SMO: variants seen among roughly 807,000 people sequenced by gnomAD.
SMO encodes the protein protein smoothened.
Under a neutral mutation model 81.6 loss-of-function variants are expected in SMO, and 40 were observed. The ratio of observed to expected loss-of-function variants is 0.49; its 90% CI spans 0.38 to 0.64. SMO has a LOEUF of 0.64. Ranked by LOEUF, SMO falls within the 30% of genes least tolerant of loss-of-function variation. The probability of loss-of-function intolerance (pLI) is 0.00; values close to 1 mark genes in which losing one functional copy is unlikely to be tolerated. For synonymous variants in SMO, 434 were observed against 432.1 expected (o/e 1.00, Z -0.05); for missense variants, 916 against 1,061.1 (o/e 0.86, Z 1.90).
rs2150654969 is a variant in SMO, at chr7:129,211,147, G to A, written c.1801+34G>A. ...CACCCCTCCTCTACCGGAGCCGCCT[G>A]GCCCCGCGCTGCCCATGTGCTAGTC... On this transcript the variant is annotated intron_variant, in intron 10 of 11. Transcript: ENST00000249373. The surrounding 1 kb of genome is among the most constrained non-coding windows in gnomAD (Gnocchi z 4.6). 6.3e-7 allele frequency: 1 copy of A among 1,577,786 alleles called. No homozygotes were observed. The highest frequency in any genetic ancestry group is 1.2e-5 in the South Asian group (1 of 85,108).
Position 129,209,000 on chromosome 7 carries a change from T to TAGTGGC in SMO, c.1357+152_1357+157dup. ...AAGGGGTGTGTGTAGGTGGTAGTGG[T>TAGTGGC]AGTGGCAGCTCAAAAGAAGGGGGTC... On this transcript the variant is annotated intron_variant, in intron 7 of 11. Coordinates refer to ENST00000249373, the MANE Select transcript of SMO (RefSeq NM_005631.5). The surrounding 1 kb of genome is among the most constrained non-coding windows in gnomAD (Gnocchi z 5.2). 1 of 637,140 alleles carries TAGTGGC rather than the reference T, an allele frequency of 1.6e-6. No homozygotes were observed. The highest frequency in any genetic ancestry group is 2.8e-6 in the Non-Finnish European group (1 of 353,566). The allele number at this position is 637,140 out of a possible 1,614,324, so 39.5% of individuals were successfully genotyped here. A position where few individuals can be genotyped will look rare whatever the true frequency, so the allele number is the denominator to read the frequency against.
Position 129,211,160 on chromosome 7 carries a change from C to T in SMO, c.1801+47C>T, listed in dbSNP as rs2150655004. On this transcript the variant is annotated intron_variant, in intron 10 of 11. Transcript: ENST00000249373. This position sits in a 1 kb window ranked among gnomAD's most constrained non-coding sequence, Gnocchi z 4.6. ...CCGGAGCCGCCTGGCCCCGCGCTGC[C>T]CATGTGCTAGTCTCTCCCAGCCTGC... 2 of 1,565,328 alleles carry T rather than the reference C, an allele frequency of 1.3e-6. No individual in the cohort carries two copies. The highest frequency in any genetic ancestry group is 1.7e-6 in the Non-Finnish European group (2 of 1,153,762).
In SMO at chr7:129,189,097, G is replaced by T. The variant is rs1793441366; in HGVS notation, c.-55G>T. The stretch of plus-strand genomic sequence containing the variant: ...CCGAGGTCGTGCGTGTGGCCGGGGG[G>T]CTCCGAGGAGCAGGCGGGGGCGCCG... On this transcript the variant is annotated 5_prime_UTR_variant, in exon 1 of 12. Transcript: ENST00000249373. This position sits in a 1 kb window ranked among gnomAD's most constrained non-coding sequence, Gnocchi z 4.7. The T allele has an allele frequency of 1.7e-6, 2 of 1,199,810 alleles. No individual in the cohort carries two copies. Among genetic ancestry groups the T allele is most frequent in the Non-Finnish European group, 2.1e-6 (2 of 964,782 alleles). 74.3% of individuals were successfully genotyped at this position (1,199,810 alleles called of 1,614,324 possible).
At chr7:129,202,652 C>T (rs915293600) in intron 1 of SMO, among the ~76,000 whole-genome samples, 1 of 152,140 alleles carries the variant, frequency 6.6e-6, no homozygotes, top group Non-Finnish European at 1.5e-5. Flanking sequence ...CATCTGACTT[C>T]CTGCTTCCTC....
chr7:129,208,761 G>A lies in SMO; in HGVS notation c.1267G>A (p.Val423Ile), dbSNP rs781646841. Residue 423 changes from valine (V) to isoleucine (I), a missense_variant and splice_region_variant, in exon 7 of 12, where the codon GTC becomes ATC. Val to Ile is a conservative substitution (Grantham distance 29). Coordinates refer to ENST00000249373, the MANE Select transcript of SMO (RefSeq NM_005631.5). This position sits in a 1 kb window ranked among gnomAD's most constrained non-coding sequence, Gnocchi z 5.2. ...IVGGYFLIRG[V>I]MTLFSIKSNH... ...TCTGAGGTCCCCCTTCTGTTCAGGA[G>A]TCATGACTCTGTTCTCCATCAAGAG... 3 of 1,610,510 alleles carry A rather than the reference G, an allele frequency of 1.9e-6. No homozygotes were observed. Among genetic ancestry groups the A allele is most frequent in the East Asian group, 2.2e-5 (1 of 44,850 alleles).
Position 129,211,636 on chromosome 7 carries a change from C to T in SMO, c.1802C>T (p.Ala601Val), listed in dbSNP as rs1216671158. ...CCTTTCCTTCCTTCCATTCCCACAG[C>T]GGGCTTGGCCTTTGACCTCAATGAG... ...MHTVSHDGPV[A>V]GLAFDLNEPS... is the part of the protein sequence containing the mutation. Residue 601 changes from alanine to valine, a missense_variant and splice_region_variant, in exon 11 of 12, where the codon GCG becomes GTG. By Grantham distance (64) the Ala-to-Val change is moderately conservative. Transcript: ENST00000249373. The surrounding 1 kb of genome is among the most constrained non-coding windows in gnomAD (Gnocchi z 4.6). 39 of 1,612,220 alleles carry T rather than the reference C, an allele frequency of 2.4e-5. No homozygotes were observed. Among genetic ancestry groups the T allele is most frequent in the Non-Finnish European group, 3.1e-5 (37 of 1,179,698 alleles).
At chr7:129,198,416 C>A (rs1793617097) in intron 1 of SMO, among the ~76,000 whole-genome samples, 1 of 152,214 alleles carries the variant, frequency 6.6e-6, no homozygotes, top group African/African-American at 2.4e-5. Context: ...CAACATCTGT[C>A]CAGATGTAGA....
Position 129,205,207 on chromosome 7 carries a change from A to G in SMO, c.542A>G (p.Glu181Gly), listed in dbSNP as rs1793743248. ...PDRFPEGCTN[E>G]VQNIKFNSSG... ...TTTTCCCATCCCTGGTGCCAGAATG[A>G]GGTGCAGAACATCAAGTTCAACAGT... Residue 181 changes from glutamate to glycine, a missense_variant, in exon 3 of 12, where the codon GAG (glutamate) becomes GGG (glycine). Glu to Gly is a moderately conservative substitution (Grantham distance 98, BLOSUM62 -2). Transcript: ENST00000249373. 6 of 1,613,778 alleles carry G rather than the reference A, an allele frequency of 3.7e-6. No individual in the cohort carries two copies. The highest frequency in any genetic ancestry group is 5.1e-6 in the Non-Finnish European group (6 of 1,179,820).
Position 129,211,362 on chromosome 7 carries a change from C to T in SMO, c.1801+249C>T. 2 of 708,476 alleles carry T rather than the reference C, an allele frequency of 2.8e-6. No homozygotes were observed. Among genetic ancestry groups the T allele is most frequent in the Admixed American group, 2.0e-5 (1 of 49,902 alleles). 43.9% of individuals were successfully genotyped at this position (708,476 alleles called of 1,614,324 possible). A position where few individuals can be genotyped will look rare whatever the true frequency, so the allele number is the denominator to read the frequency against. On this transcript the variant is annotated intron_variant, in intron 10 of 11. Coordinates refer to ENST00000249373, the MANE Select transcript of SMO (RefSeq NM_005631.5). The surrounding 1 kb of genome is among the most constrained non-coding windows in gnomAD (Gnocchi z 4.6). ...GTTCCAAGAAGACTCCCCTCCCTCT[C>T]CCTTCTCATAAATTCTCCAGTTGCT...
chr7:129,206,733 C>A lies in SMO; in HGVS notation c.1264+146C>A. 1 of 803,766 alleles carries A rather than the reference C, an allele frequency of 1.2e-6. No homozygotes were observed. Among genetic ancestry groups the A allele is most frequent in the South Asian group, 1.7e-5 (1 of 59,044 alleles). The allele number at this position is 803,766 out of a possible 1,614,324, so 49.8% of individuals were successfully genotyped here. A position where few individuals can be genotyped will look rare whatever the true frequency, so the allele number is the denominator to read the frequency against. On this transcript the variant is annotated intron_variant, in intron 6 of 11. Coordinates refer to ENST00000249373, the MANE Select transcript of SMO (RefSeq NM_005631.5). The surrounding 1 kb of genome is among the most constrained non-coding windows in gnomAD (Gnocchi z 4.4). ...CCTTCACACAGTAGAAGGTGACCCT[C>A]TAGGCAGACGAAACACCGTGAGCAC...
rs751857322 is a variant in SMO at position 129,212,403 on chromosome 7, C to T, written c.2316C>T (p.Arg772=). The part of the protein sequence containing the change: ...RRQGLGPIHS[R]TNLMDTELMD... ...AGGGCCTGGGGCCTATTCACTCCCG[C>T]ACCAACCTGATGGACACAGAACTCA... Residue 772 remains arginine (R), a synonymous_variant, in exon 12 of 12, where the codon CGC becomes CGT. Coordinates refer to ENST00000249373, the MANE Select transcript of SMO (RefSeq NM_005631.5). The surrounding 1 kb of genome is among the most constrained non-coding windows in gnomAD (Gnocchi z 5.0). 8.7e-6 allele frequency: 14 copies of T among 1,613,908 alleles called. No homozygotes were observed. The highest frequency in any genetic ancestry group is 1.0e-5 in the Non-Finnish European group (12 of 1,180,032).
In SMO at chr7:129,211,630, C is replaced by A. The variant is rs1364545455; in HGVS notation, c.1802-6C>A. On this transcript the variant is annotated splice_polypyrimidine_tract_variant and splice_region_variant and intron_variant, in intron 10 of 11. Coordinates refer to ENST00000249373, the MANE Select transcript of SMO (RefSeq NM_005631.5). The surrounding 1 kb of genome is among the most constrained non-coding windows in gnomAD (Gnocchi z 4.6). ...CCTTCTCCTTTCCTTCCTTCCATTC[C>A]CACAGCGGGCTTGGCCTTTGACCTC... is the stretch of plus-strand genomic sequence containing the variant. 10 of 1,612,138 alleles carry A rather than the reference C, an allele frequency of 6.2e-6. No homozygotes were observed. Among genetic ancestry groups the A allele is most frequent in the Non-Finnish European group, 6.8e-6 (8 of 1,179,644 alleles).
chr7:129,190,318 A>G (rs1241147931), intron 1 of SMO, among the ~76,000 whole-genome samples: 5 of 152,206 alleles, frequency 3.3e-5, no homozygotes, highest in Non-Finnish European at 1.5e-5. Context: ...GAAAAACTGC[A>G]CACTGAACCC....
intron 1 of SMO, among the ~76,000 whole-genome samples, chr7:129,199,325 G>A (rs747115671): frequency 2.7e-4 from 41 of 151,688 alleles, no homozygotes; most frequent in African/African-American, 6.5e-4. Flanking sequence ...GATTACAGGC[G>A]CCCACCACCA....
At chr7:129,209,471 C>G (rs1384158940) in intron 8 of SMO, 74 bp downstream of exon 8, 1 of 942,374 alleles carries the variant, frequency 1.1e-6, no homozygotes, top group Non-Finnish European at 1.7e-6. Flanking sequence ...CTCCACCCAC[C>G]GGGCAGCAGG....
intron 1 of SMO, among the ~76,000 whole-genome samples, chr7:129,191,264 C>T (rs2150639620): frequency 6.6e-6 from 1 of 152,352 alleles, no homozygotes; most frequent in South Asian, 2.1e-4. Context: ...AACCTCTTTC[C>T]AGCCCATACT....
Position 129,213,098 on chromosome 7 carries a change from C to T in SMO, c.*647C>T, listed in dbSNP as rs997811687. The T allele has an allele frequency of 1.3e-5, 3 of 236,148 alleles. No individual in the cohort carries two copies. The highest frequency in any genetic ancestry group is 1.7e-5 in the Non-Finnish European group (2 of 120,118). 14.6% of individuals were successfully genotyped at this position (236,148 alleles called of 1,614,324 possible). A position where few individuals can be genotyped will look rare whatever the true frequency, so the allele number is the denominator to read the frequency against. ...CTGTTCCATTTCAGTTCAGTTTCAG[C>T]GGTGCCAACCTCTTTGCGTTTCCTT... is the stretch of plus-strand genomic sequence containing the variant. On this transcript the variant is annotated 3_prime_UTR_variant, in exon 12 of 12. Coordinates refer to ENST00000249373, the MANE Select transcript of SMO (RefSeq NM_005631.5).
chr7:129,208,209 T>C lies in SMO; in HGVS notation c.1265-550T>C, dbSNP rs1793806228. 6.6e-6 allele frequency among the ~76,000 whole-genome samples: 1 copy of C among 152,034 alleles called. No individual in the cohort carries two copies. Among genetic ancestry groups the C allele is most frequent in the Admixed American group, 6.6e-5 (1 of 15,246 alleles). On this transcript the variant is annotated intron_variant, in intron 6 of 11. Transcript: ENST00000249373. The surrounding 1 kb of genome is among the most constrained non-coding windows in gnomAD (Gnocchi z 5.2). The stretch of plus-strand genomic sequence containing the variant: ...GGCTCACACCTGTAATCCCAGCACT[T>C]TGGGAGGCCGAGGTGGGCAGATCAC...
At chr7:129,204,387 TC>T (rs11345822) in intron 2 of SMO, among the ~76,000 whole-genome samples, 119,026 of 151,882 alleles carry the variant, frequency 0.78, 47,118 homozygotes, top group Middle Eastern at 0.88. Context: ...ATGCCTGTTA[TC>T]CCCACCACTT....
Sources: allele counts gnomAD v4.1 joint callset (sites outside exome capture counted in the v4.1 genomes callset), GRCh38; gene constraint gnomAD v4.1.1; non-coding constraint Gnocchi (gnomAD v3.1); transcripts MANE v1.5; gene names NCBI Gene and HGNC (gene_info 2026-07-23, HGNC 2026-07-21).